IQGAP2: variants seen among roughly 807,000 people sequenced by gnomAD.
The protein encoded by IQGAP2 is IQ motif containing GTPase activating protein 2.
IQGAP2 carries 173 observed loss-of-function variants against 201.3 expected under a neutral mutation model. The observed-to-expected ratio is 0.86, with a 90% CI of 0.76 to 0.98. IQGAP2 has a LOEUF of 0.98. Ranked by LOEUF, IQGAP2 falls within the 50% of genes least tolerant of loss-of-function variation. The pLI, the probability that IQGAP2 is intolerant of heterozygous loss-of-function variation, is 0.00. For synonymous variants in IQGAP2, 675 were observed against 673.9 expected (o/e 1.00, Z -0.03); for missense variants, 1,687 against 1,864.8 (o/e 0.90, Z 1.76).
At chr5:76,544,265 C>G (rs1323613731) in intron 2 of IQGAP2, among the ~76,000 whole-genome samples, 1 of 152,246 alleles carries the variant, frequency 6.6e-6, no homozygotes, top group African/African-American at 2.4e-5. Context: ...CCTTCTTTGT[C>G]AAGGAGTAAA....
Position 76,460,859 on chromosome 5 carries a change from GC to G in IQGAP2, c.47-710del, listed in dbSNP as rs1412243983. On this transcript the variant is annotated intron_variant, in intron 1 of 35. Transcript: ENST00000274364. ...GGAAGCTCCTGCCCGTTTGCACACT[GC>G]TTTTTTTTTTTTTTTTTTTTTTTCC... is the stretch of plus-strand genomic sequence containing the variant. Among the ~76,000 whole-genome samples, 217 of 116,164 alleles carry G rather than the reference GC, an allele frequency of 1.9e-3. 1 individual carries two copies. The highest frequency in any genetic ancestry group is 6.5e-3 in the African/African-American group (210 of 32,274). 76.2% of individuals were successfully genotyped at this position (116,164 alleles called of 152,430 possible). A position where few individuals can be genotyped will look rare whatever the true frequency, so the allele number is the denominator to read the frequency against.
intron 30 of IQGAP2, among the ~76,000 whole-genome samples, chr5:76,690,725 T>C (rs907586296): frequency 2.0e-5 from 3 of 152,248 alleles, no homozygotes; most frequent in Non-Finnish European, 4.4e-5. Flanking sequence ...TATTTAAATA[T>C]GTAATAAATG....
chr5:76,411,510 A>C (rs1751118528), intron 1 of IQGAP2, among the ~76,000 whole-genome samples: 1 of 152,180 alleles, frequency 6.6e-6, no homozygotes, highest in South Asian at 2.1e-4. Flanking sequence ...GGTGGAGCCT[A>C]ATGAGTGGTG....
intron 2 of IQGAP2, among the ~76,000 whole-genome samples, chr5:76,479,451 G>A (rs1755646789): frequency 6.6e-6 from 1 of 152,164 alleles, no homozygotes; most frequent in South Asian, 2.1e-4. Context: ...ACACAGACCA[G>A]CTGGCTGTGC....
intron 1 of IQGAP2, among the ~76,000 whole-genome samples, chr5:76,420,747 C>T (rs115417159): frequency 0.026 from 3,967 of 152,318 alleles, 109 homozygotes; most frequent in South Asian, 0.15. Flanking sequence ...TCTCTCCTCC[C>T]AGCACTGGAT....
At chr5:76,535,213 G>A (rs985856981) in intron 2 of IQGAP2, among the ~76,000 whole-genome samples, 4 of 152,084 alleles carry the variant, frequency 2.6e-5, no homozygotes, top group East Asian at 1.9e-4. Flanking sequence ...AACGTTGGCT[G>A]TGTAAAGATA....
chr5:76,536,036 C>G (rs111792923), intron 2 of IQGAP2, among the ~76,000 whole-genome samples: 1,546 of 149,680 alleles, frequency 0.01, 18 homozygotes, highest in African/African-American at 0.036. Flanking sequence ...TAGCACGTAC[C>G]CATTTACCTG....
At chr5:76,589,555 C>A in intron 6 of IQGAP2, 60 bp from the exon 7 acceptor site, 2 of 889,934 alleles carry the variant, frequency 2.2e-6, no homozygotes, top group Non-Finnish European at 3.5e-6. Flanking sequence ...CTCATTCCTG[C>A]ATCCATCTCT....
chr5:76,411,071 A>G (rs1002261983), intron 1 of IQGAP2, among the ~76,000 whole-genome samples: 1 of 152,186 alleles, frequency 6.6e-6, no homozygotes, highest in African/African-American at 2.4e-5. Flanking sequence ...TTGGAAAGGC[A>G]GATGCCCAGG....
rs942387616 is a variant in IQGAP2, at chr5:76,461,024, G to A, written c.47-546G>A. Among the ~76,000 whole-genome samples, 58 of 151,670 alleles carry A rather than the reference G, an allele frequency of 3.8e-4. 1 individual carries two copies. The highest frequency in any genetic ancestry group is 1.3e-3 in the African/African-American group (55 of 41,310). On this transcript the variant is annotated intron_variant, in intron 1 of 35. Transcript: ENST00000274364. ...CTCCCAAGTAGCTGGGACTACAGGT[G>A]CCCCCCACCACACCTGGCTAATTTT...
At chr5:76,654,442 G>A (rs1273212416) in intron 19 of IQGAP2, among the ~76,000 whole-genome samples, 171 bp downstream of exon 19, 1 of 152,176 alleles carries the variant, frequency 6.6e-6, no homozygotes, top group African/African-American at 2.4e-5. Context: ...TTTTCATTCA[G>A]AAATCATGTT....
chr5:76,582,903 A>G (rs1188716039), intron 5 of IQGAP2, among the ~76,000 whole-genome samples: 1 of 152,200 alleles, frequency 6.6e-6, no homozygotes, highest in Non-Finnish European at 1.5e-5. Flanking sequence ...GTAGGAGCAC[A>G]TGGGTCAATG....
intron 2 of IQGAP2, among the ~76,000 whole-genome samples, chr5:76,501,638 C>CTTTTTTTTTT (rs1432659462): frequency 1.6e-4 from 4 of 24,980 alleles, no homozygotes; most frequent in African/African-American, 4.8e-4. Context: ...TTTCTTTTTC[C>CTTTTTTTTTT]TTTTCTTTTT....
chr5:76,693,493 C>A, intron 31 of IQGAP2, 51 bp downstream of exon 31: 1 of 1,176,586 alleles, frequency 8.5e-7, no homozygotes, highest in Non-Finnish European at 1.3e-6. Context: ...TGATTTTCTT[C>A]ATAAATCTTT....
At chr5:76,471,705 GT>G (rs1447078718) in intron 2 of IQGAP2, among the ~76,000 whole-genome samples, 2 of 70,190 alleles carry the variant, frequency 2.8e-5, no homozygotes, top group Non-Finnish European at 6.8e-5. Flanking sequence ...TTCATGATTA[GT>G]TTAAAAAAAA....
At chr5:76,409,896 G>T (rs1454071563) in intron 1 of IQGAP2, among the ~76,000 whole-genome samples, 2 of 152,200 alleles carry the variant, frequency 1.3e-5, no homozygotes, top group East Asian at 1.9e-4. Context: ...ATAGATGTGG[G>T]TTTGAATTCT....
At chr5:76,593,824 G>T (rs904174432) in intron 9 of IQGAP2, among the ~76,000 whole-genome samples, 1 of 152,102 alleles carries the variant, frequency 6.6e-6, no homozygotes, top group Non-Finnish European at 1.5e-5. Flanking sequence ...TAACATCCTC[G>T]TTGAGTTTTG....
chr5:76,408,036 CAGGAGAATCCCAAAT>C (rs1325708008), intron 1 of IQGAP2, among the ~76,000 whole-genome samples: 2 of 152,138 alleles, frequency 1.3e-5, no homozygotes, highest in African/African-American at 4.8e-5. Context: ...GAGGCTGAGG[CAGGAGAATCCCAAAT>C]AGGGGAATCC....
chr5:76,466,006 T>C lies in IQGAP2; in HGVS notation c.146+4337T>C, dbSNP rs565957344. Among the ~76,000 whole-genome samples the C allele has an allele frequency of 3.8e-4, 58 of 151,814 alleles. 1 individual carries two copies. The highest frequency in any genetic ancestry group is 1.3e-3 in the African/African-American group (55 of 41,414). On this transcript the variant is annotated intron_variant, in intron 2 of 35. Transcript: ENST00000274364. ...CTAGAAATATTCCCAGCTGCCTTCT[T>C]TTTTTTTAAATGGAGAAATTAGAAA...
Sources: gnomAD v4.1 joint callset for allele counts (sites outside exome capture counted in the v4.1 genomes callset) on GRCh38, gnomAD v4.1.1 for gene constraint, MANE v1.5 for transcripts, NCBI Gene and HGNC (gene_info 2026-07-23, HGNC 2026-07-21) for gene names.